The following DLST variants were observed in gnomAD, a reference collection of about 807,000 sequenced individuals.
DLST encodes dihydrolipoyllysine-residue succinyltransferase component of 2-oxoglutarate dehydrogenase complex, mitochondrial.
In DLST, 17 loss-of-function variants were observed where a neutral mutation model predicts 53.1. That is an observed-to-expected ratio of 0.32 (90% CI 0.22 to 0.48). DLST has a LOEUF of 0.48. Ranked by LOEUF, DLST falls within the 20% of genes least tolerant of loss-of-function variation. The pLI, the probability that DLST is intolerant of heterozygous loss-of-function variation, is 0.99. For synonymous variants in DLST, 206 were observed against 204.8 expected, an observed-to-expected ratio of 1.01 and a Z score of -0.05; for missense variants, 512 against 583.9, an observed-to-expected ratio of 0.88 and a Z score of 1.27.
intron 11 of DLST, 131 bp from the exon 12 acceptor site, chr14:74,899,792 G>GT: frequency 1.5e-6 from 1 of 653,224 alleles, no homozygotes; most frequent in East Asian, 2.6e-5. Context: ...TAATGCAGTG[G>GT]TGTTCATGGT....
intron 11 of DLST, among the ~76,000 whole-genome samples, chr14:74,899,202 A>G (rs959135457): frequency 1.7e-4 from 26 of 151,502 alleles, no homozygotes; most frequent in African/African-American, 5.8e-4. Context: ...TCTTTTTCCC[A>G]TTCTTCTCAT....
chr14:74,902,357 A>G lies in DLST; in HGVS notation c.*27A>G, dbSNP rs747661430. The stretch of plus-strand genomic sequence containing the variant: ...AGGAACCCACACACCCTACAAGTTG[A>G]TCATGCAGGAACTGAAAACCAGTCT... On this transcript the variant is annotated 3_prime_UTR_variant, in exon 15 of 15. Coordinates refer to ENST00000334220, the MANE Select transcript of DLST (RefSeq NM_001933.5). 1 of 1,587,990 alleles carries G rather than the reference A, an allele frequency of 6.3e-7. No homozygotes were observed. Among genetic ancestry groups the G allele is most frequent in the Non-Finnish European group, 8.6e-7 (1 of 1,162,482 alleles).
chr14:74,882,452 C>G, intron 1 of DLST, 139 bp from the exon 2 acceptor site: 1 of 764,942 alleles, frequency 1.3e-6, no homozygotes, highest in South Asian at 1.6e-5. Context: ...TCTGCCAGCA[C>G]GGTGTGTTGC....
In DLST at chr14:74,900,312, G is replaced by A. The variant is rs747238779; in HGVS notation, c.999G>A (p.Arg333=). ...TPRGLVVPVI[R]NVEAMNFADI... Reference sequence around the variant, plus strand: ...AGGGTCTGGTGGTTCCAGTCATCAGGAATGTGGAAGCTATGAATTTTGCAG... The same window carrying A: ...AGGGTCTGGTGGTTCCAGTCATCAGAAATGTGGAAGCTATGAATTTTGCAG... Residue 333 remains arginine, a synonymous_variant, in exon 13 of 15, where the codon AGG becomes AGA. Coordinates refer to ENST00000334220, the MANE Select transcript of DLST (RefSeq NM_001933.5). 3 of 1,613,896 alleles carry A rather than the reference G, an allele frequency of 1.9e-6. No homozygotes were observed. Among genetic ancestry groups the A allele is most frequent in the East Asian group, 2.2e-5 (1 of 44,900 alleles).
intron 3 of DLST, among the ~76,000 whole-genome samples, chr14:74,886,964 C>T (rs187011721): frequency 6.6e-6 from 1 of 152,112 alleles, no homozygotes; most frequent in East Asian, 1.9e-4. Flanking sequence ...GTCTCTGAAA[C>T]TCCTGACATC....
intron 8 of DLST, 46 bp from the exon 9 acceptor site, chr14:74,893,302 G>GT (rs775169776): frequency 6.2e-7 from 1 of 1,608,048 alleles, no homozygotes; most frequent in Admixed American, 1.7e-5. Flanking sequence ...CTCAGCAGAT[G>GT]TTTCTTTCCT....
intron 10 of DLST, among the ~76,000 whole-genome samples, chr14:74,895,613 G>C (rs1187749688): frequency 6.6e-6 from 1 of 151,966 alleles, no homozygotes; most frequent in Non-Finnish European, 1.5e-5. Flanking sequence ...AATTAGCCAA[G>C]TGAGGGCTGG....
Position 74,882,616 on chromosome 14 carries a change from C to T in DLST, c.89C>T (p.Ser30Phe). 1 of 1,613,902 alleles carries T rather than the reference C, an allele frequency of 6.2e-7. No individual in the cohort carries two copies. Among genetic ancestry groups the T allele is most frequent in the South Asian group, 1.1e-5 (1 of 91,068 alleles). ...GGGAACTGCCCTCTAGGGAGACGTT[C>T]CCTGCCTGGTAAGTTCTGCCCTTAC... ...QKGNCPLGRR[S>F]LPGVSLCQGP... Residue 30 changes from serine (S) to phenylalanine (F), a missense_variant, in exon 2 of 15, where the codon TCC (serine) becomes TTC (phenylalanine). Transcript: ENST00000334220.
chr14:74,902,345 C>T lies in DLST; in HGVS notation c.*15C>T. On this transcript the variant is annotated 3_prime_UTR_variant, in exon 15 of 15. Coordinates refer to ENST00000334220, the MANE Select transcript of DLST (RefSeq NM_001933.5). ...TGGATCTTTAGGAGGAACCCACACA[C>T]CCTACAAGTTGATCATGCAGGAACT... The T allele has an allele frequency of 6.3e-7, 1 of 1,598,268 alleles. No individual in the cohort carries two copies. The highest frequency in any genetic ancestry group is 8.6e-7 in the Non-Finnish European group (1 of 1,169,310).
chr14:74,891,527 T>C (rs1883907859), intron 7 of DLST: 8 of 997,906 alleles, frequency 8.0e-6, no homozygotes, highest in Non-Finnish European at 9.6e-6. Flanking sequence ...TCAAAACTTT[T>C]TGAGCACTGA....
chr14:74,891,081 C>T lies in DLST; in HGVS notation c.356C>T (p.Ala119Val). The T allele has an allele frequency of 1.2e-6, 2 of 1,613,626 alleles. No individual in the cohort carries two copies. The highest frequency in any genetic ancestry group is 1.7e-6 in the Non-Finnish European group (2 of 1,179,932). Residue 119 changes from alanine (A) to valine (V), a missense_variant, in exon 7 of 15, where the codon GCA becomes GTA. By Grantham distance (64) the Ala-to-Val change is moderately conservative (BLOSUM62 0). Around this residue, in one of 4 missense-constraint regions of DLST, gnomAD observed 35 missense variants for 70.5 expected, o/e 0.50. Transcript: ENST00000334220. ...DKTSVQVPSP[A>V]NGVIEALLVP... ...ACATCTGTGCAGGTTCCATCACCAG[C>T]AAATGGCGTGATTGAAGCTCTTTTG...
At chr14:74,882,211 G>T (rs1337377046) in intron 1 of DLST, among the ~76,000 whole-genome samples, 195 bp downstream of exon 1, 1 of 152,168 alleles carries the variant, frequency 6.6e-6, no homozygotes, top group African/African-American at 2.4e-5. Flanking sequence ...GCGGCCCCCT[G>T]CCTTCTCCAG....
chr14:74,893,063 T>C, intron 8 of DLST, 77 bp downstream of exon 8: 2 of 1,495,842 alleles, frequency 1.3e-6, no homozygotes, highest in South Asian at 1.3e-5. Flanking sequence ...AACTCTAGAC[T>C]GATGATGGTT....
intron 14 of DLST, among the ~76,000 whole-genome samples, chr14:74,901,805 G>A (rs2853779): frequency 0.65 from 98,515 of 151,794 alleles, 33,998 homozygotes; most frequent in African/African-American, 0.91. Flanking sequence ...CATACACCCA[G>A]CTACACATAC....
At chr14:74,891,932 T>A (rs1883922289) in intron 7 of DLST, 2 of 867,442 alleles carry the variant, frequency 2.3e-6, no homozygotes, top group African/African-American at 3.7e-5. Flanking sequence ...TTGCAGAAGT[T>A]TGTCTTAGCA....
At position 74,901,097 on chromosome 14, in the gene DLST, T is replaced by C. The variant is rs748546051; in HGVS notation, c.1091T>C (p.Met364Thr). 1.2e-4 allele frequency: 192 copies of C among 1,613,808 alleles called. No individual in the cohort carries two copies. The highest frequency in any genetic ancestry group is 1.6e-4 in the Middle Eastern group (1 of 6,082). Reference protein sequence around the residue: ...ARKNELAIEDMDGGTFTISNG... With the variant: ...ARKNELAIEDTDGGTFTISNG... ...AAGAATGAACTTGCCATTGAAGATA[T>C]GGATGGCGGTACCTTCACCATTAGC... Residue 364 changes from methionine (M) to threonine (T), a missense_variant, in exon 14 of 15, where the codon ATG (methionine) becomes ACG (threonine). This residue lies in a region of DLST where 186 missense variants were observed against 260.4 expected (regional missense o/e 0.71). Coordinates refer to ENST00000334220, the MANE Select transcript of DLST (RefSeq NM_001933.5).
At chr14:74,892,766 A>G (rs1883952656) in intron 7 of DLST, 68 bp from the exon 8 acceptor site, 2 of 1,509,636 alleles carry the variant, frequency 1.3e-6, no homozygotes, top group Non-Finnish European at 1.8e-6. Flanking sequence ...AGTTTTTGCC[A>G]CTAAATTTTG....
At chr14:74,901,885 A>G (rs2140204816) in intron 14 of DLST, among the ~76,000 whole-genome samples, 1 of 152,020 alleles carries the variant, frequency 6.6e-6, no homozygotes, top group African/African-American at 2.4e-5. Flanking sequence ...AGAGAGAAGC[A>G]AGTACAGGCA....
chr14:74,894,200 A>T, intron 9 of DLST, 112 bp from the exon 10 acceptor site: 1 of 1,235,918 alleles, frequency 8.1e-7, no homozygotes. Context: ...GTACTTAGAT[A>T]CTGTAGTCCT....
Sources: gnomAD v4.1 joint callset for allele counts (sites outside exome capture counted in the v4.1 genomes callset) on GRCh38, gnomAD v4.1.1 for gene constraint, gnomAD v4.1.1 regional missense constraint, MANE v1.5 for transcripts, NCBI Gene and HGNC (gene_info 2026-07-23, HGNC 2026-07-21) for gene names.